Variants in ZNF385D observed in about 807,000 individuals in gnomAD.
ZNF385D encodes zinc finger protein 385D.
ZNF385D carries 15 observed loss-of-function variants against 35.8 expected under a neutral mutation model. The observed-to-expected ratio is 0.42, with a 90% CI of 0.28 to 0.64. The LOEUF is 0.64. Among genes scored for constraint, ZNF385D ranks in the 30% least tolerant of loss-of-function variants. The pLI is 0.23. For synonymous variants in ZNF385D, 212 were observed against 186.8 expected (o/e 1.13, Z -1.10); for missense variants, 474 against 494.6 (o/e 0.96, Z 0.39).
At chr3:22,091,028 T>C (rs995802074) in intron 3 of ZNF385D, among the ~76,000 whole-genome samples, 1 of 151,818 alleles carries the variant, frequency 6.6e-6, no homozygotes, top group Non-Finnish European at 1.5e-5. Context: ...CATGGTGGGG[T>C]GGGACATGTG....
At chr3:21,683,616 CA>C (rs1000974863) in intron 1 of ZNF385D, among the ~76,000 whole-genome samples, 9 of 142,658 alleles carry the variant, frequency 6.3e-5, no homozygotes, top group East Asian at 2.1e-4. Flanking sequence ...GACTCCATCT[CA>C]AAAAAAAAAG....
intron 2 of ZNF385D, among the ~76,000 whole-genome samples, chr3:22,185,441 T>A (rs967094516): frequency 2.0e-5 from 3 of 152,126 alleles, no homozygotes; most frequent in Non-Finnish European, 2.9e-5. Context: ...ATAATACATG[T>A]ATTTAAATAT....
At chr3:22,361,738 C>G (rs1385732727) in intron 2 of ZNF385D, among the ~76,000 whole-genome samples, 1 of 151,854 alleles carries the variant, frequency 6.6e-6, no homozygotes, top group Non-Finnish European at 1.5e-5. Flanking sequence ...GGCTTTGAGT[C>G]AAAAATAGTT....
chr3:22,145,348 T>G (rs1409424295), intron 3 of ZNF385D, among the ~76,000 whole-genome samples: 1 of 152,234 alleles, frequency 6.6e-6, no homozygotes, highest in East Asian at 1.9e-4. Context: ...GAAACTAAAA[T>G]GCCTAAGCTT....
At chr3:21,636,390 A>ATGATTATATATATATATATATATATGAT (rs1217564660) in intron 2 of ZNF385D, among the ~76,000 whole-genome samples, 1 of 35,766 alleles carries the variant, frequency 2.8e-5, no homozygotes, top group African/African-American at 1.3e-4. Flanking sequence ...ATATATATAT[A>ATGATTATATATATATATATATATATGAT]TATATATATA....
At chr3:21,967,332 CTTTATCTTAAAGCCACTTAAGCATTTAT>C (rs1163427356) in intron 3 of ZNF385D, among the ~76,000 whole-genome samples, 1 of 152,150 alleles carries the variant, frequency 6.6e-6, no homozygotes, top group Admixed American at 6.6e-5. Context: ...TTGGCAGCAG[CTTTATCTTAAAGCCACTTAAGCATTTAT>C]TTTAAAAATT....
chr3:21,533,139 G>A (rs2061961653), intron 3 of ZNF385D, among the ~76,000 whole-genome samples: 2 of 152,108 alleles, frequency 1.3e-5, no homozygotes, highest in Non-Finnish European at 2.9e-5. Context: ...ACCAAACAAC[G>A]AGTGAGTGAA....
intron 3 of ZNF385D, among the ~76,000 whole-genome samples, chr3:22,000,472 C>A (rs1336005956): frequency 1.3e-5 from 2 of 152,102 alleles, no homozygotes; most frequent in African/African-American, 4.8e-5. Flanking sequence ...GAATAATCCG[C>A]CCCTTGTTTA....
At chr3:21,995,933 A>T (rs1695437803) in intron 3 of ZNF385D, among the ~76,000 whole-genome samples, 1 of 151,978 alleles carries the variant, frequency 6.6e-6, no homozygotes, top group South Asian at 2.1e-4. Flanking sequence ...GGGGTGTAGG[A>T]TACTGTGTGG....
chr3:21,557,568 G>A (rs2062786482), intron 3 of ZNF385D, among the ~76,000 whole-genome samples: 1 of 152,184 alleles, frequency 6.6e-6, no homozygotes, highest in African/African-American at 2.4e-5. Context: ...AGTTTCGCCA[G>A]TATTTTATTG....
chr3:22,259,136 A>T (rs1254177053), intron 2 of ZNF385D, among the ~76,000 whole-genome samples: 1 of 151,894 alleles, frequency 6.6e-6, no homozygotes, highest in Non-Finnish European at 1.5e-5. Flanking sequence ...ACTCTGTAAC[A>T]TCATGTATCT....
chr3:22,058,042 A>G (rs983311230), intron 3 of ZNF385D, among the ~76,000 whole-genome samples: 7 of 152,194 alleles, frequency 4.6e-5, no homozygotes, highest in African/African-American at 1.7e-4. Context: ...CAACCAAACT[A>G]AAACAATTCT....
In ZNF385D at chr3:21,419,351, C is replaced by CA. The variant is rs1269678515; in HGVS notation, c.*1862dup. 6.6e-6 allele frequency: 1 copy of CA among 151,898 alleles called. No individual in the cohort carries two copies. Among genetic ancestry groups the CA allele is most frequent in the Non-Finnish European group, 1.5e-5 (1 of 67,962 alleles). The allele number at this position is 151,898 out of a possible 1,614,324, so 9.4% of individuals were successfully genotyped here. A position where few individuals can be genotyped will look rare whatever the true frequency, so the allele number is the denominator to read the frequency against. ...ATAGCTAGATGGTGGAGAAGAACTC[C>CA]AAAAAACCATGTTTAATGTTGAGCA... On this transcript the variant is annotated 3_prime_UTR_variant, in exon 8 of 8. Transcript: ENST00000281523.
chr3:21,609,586 T>G (rs6550613), intron 2 of ZNF385D, among the ~76,000 whole-genome samples: 1 of 151,964 alleles, frequency 6.6e-6, no homozygotes. Flanking sequence ...AGGTCCACCC[T>G]TCCCCACTAG....
intron 2 of ZNF385D, among the ~76,000 whole-genome samples, chr3:22,208,841 G>A (rs1393522966): frequency 6.6e-6 from 1 of 151,874 alleles, no homozygotes; most frequent in Non-Finnish European, 1.5e-5. Context: ...ACTAAAGAGA[G>A]AATAGAATTG....
intron 3 of ZNF385D, among the ~76,000 whole-genome samples, chr3:22,017,541 T>C (rs1311419575): frequency 1.3e-5 from 2 of 152,054 alleles, no homozygotes; most frequent in African/African-American, 4.8e-5. Flanking sequence ...GTTAGATTTA[T>C]GTCTACCATA....
intron 4 of ZNF385D, among the ~76,000 whole-genome samples, chr3:21,485,279 C>G (rs1421639772): frequency 1.3e-5 from 2 of 152,156 alleles, no homozygotes; most frequent in African/African-American, 4.8e-5. Context: ...TTATCCTGAT[C>G]CACAGGCTCA....
rs2068082583 is a variant in ZNF385D at position 21,711,039 on chromosome 3, G to GTTGTTTTTT, written c.22+39855_22+39856insAAAAAACAA. Among the ~76,000 whole-genome samples, 54 of 83,140 alleles carry GTTGTTTTTT rather than the reference G, an allele frequency of 6.5e-4. 1 individual carries two copies. The highest frequency in any genetic ancestry group is 1.0e-3 in the Non-Finnish European group (48 of 47,884). 54.5% of individuals were successfully genotyped at this position (83,140 alleles called of 152,430 possible). On this transcript the variant is annotated intron_variant, in intron 1 of 7. Transcript: ENST00000281523. ...TCTTAATTTCCTTATCCCTCTAAAA[G>GTTGTTTTTT]TTTTTTTTTTTTTTTTTTTTGAGAT...
intron 3 of ZNF385D, among the ~76,000 whole-genome samples, chr3:22,107,670 A>G (rs929186850): frequency 6.6e-6 from 1 of 152,116 alleles, no homozygotes; most frequent in Admixed American, 6.6e-5. Flanking sequence ...TAATCCTATC[A>G]AAAGCTGTTT....
Sources: allele counts gnomAD v4.1 joint callset (sites outside exome capture counted in the v4.1 genomes callset), GRCh38; gene constraint gnomAD v4.1.1; transcripts MANE v1.5; gene names NCBI Gene and HGNC (gene_info 2026-07-23, HGNC 2026-07-21).